The following MAP3K19 variants were observed in gnomAD, a reference collection of about 807,000 sequenced individuals.
The protein encoded by MAP3K19 is mitogen-activated protein kinase kinase kinase 19, also known as SPS1/STE20-related protein kinase YSK4.
In MAP3K19, 91 loss-of-function variants were observed where a neutral mutation model predicts 114.4. The ratio of observed to expected loss-of-function variants is 0.80; its 90% CI spans 0.67 to 0.95. MAP3K19 has a LOEUF of 0.95. Ranked by LOEUF, MAP3K19 falls within the 40% of genes least tolerant of loss-of-function variation. The probability of loss-of-function intolerance (pLI) is 0.00; values close to 1 mark genes in which losing one functional copy is unlikely to be tolerated. For missense variants in MAP3K19, 1,471 were observed against 1,573.2 expected (o/e 0.94, Z 1.10); for synonymous variants, 518 against 530.5 (o/e 0.98, Z 0.32).
intron 12 of MAP3K19, 185 bp downstream of exon 12, chr2:134,980,636 C>G: frequency 1.7e-6 from 1 of 604,812 alleles, no homozygotes; most frequent in Non-Finnish European, 2.9e-6. Context: ...CCTCCTATAC[C>G]CTGATACAAC....
At chr2:135,000,127 G>A in intron 6 of MAP3K19, 112 bp from the exon 7 acceptor site, 1 of 727,268 alleles carries the variant, frequency 1.4e-6, no homozygotes, top group South Asian at 1.6e-5. Context: ...TTACAAAATG[G>A]ACATTAATCA....
At chr2:134,966,737 A>G (rs947071925) in intron 12 of MAP3K19, among the ~76,000 whole-genome samples, 4 of 152,210 alleles carry the variant, frequency 2.6e-5, no homozygotes, top group Non-Finnish European at 5.9e-5. Flanking sequence ...TGTGGGCTCC[A>G]CAGACATCTC....
chr2:135,036,099 G>A (rs1688520374), intron 2 of MAP3K19, among the ~76,000 whole-genome samples: 1 of 152,152 alleles, frequency 6.6e-6, no homozygotes, highest in Non-Finnish European at 1.5e-5. Context: ...CTCCCAAAGT[G>A]CTGGGATTAC....
chr2:135,008,167 G>A (rs2105323962), intron 5 of MAP3K19, among the ~76,000 whole-genome samples: 1 of 151,400 alleles, frequency 6.6e-6, no homozygotes, highest in East Asian at 1.9e-4. Context: ...CTGTCGCCCA[G>A]GCTGGAGTGC....
intron 5 of MAP3K19, among the ~76,000 whole-genome samples, chr2:135,008,445 G>A (rs539403320): frequency 2.6e-5 from 4 of 152,070 alleles, no homozygotes; most frequent in East Asian, 3.9e-4. Context: ...AATAAGCCCC[G>A]TTAGTCTTAC....
intron 5 of MAP3K19, among the ~76,000 whole-genome samples, chr2:135,018,289 A>G (rs113526907): frequency 0.037 from 5,577 of 150,520 alleles, 313 homozygotes; most frequent in African/African-American, 0.13. Flanking sequence ...AGCAAAAAAA[A>G]AAAAAAAAAA....
intron 3 of MAP3K19, among the ~76,000 whole-genome samples, chr2:135,029,702 T>C (rs1193225752): frequency 2.0e-5 from 3 of 152,228 alleles, no homozygotes; most frequent in South Asian, 2.1e-4. Flanking sequence ...GACAGTCTCT[T>C]TGAAGGTAAA....
chr2:135,040,132 T>TA (rs1688618319), intron 2 of MAP3K19, among the ~76,000 whole-genome samples: 1 of 152,212 alleles, frequency 6.6e-6, no homozygotes, highest in Non-Finnish European at 1.5e-5. Context: ...AGATCCACCA[T>TA]AAAATCTAGT....
In MAP3K19 at chr2:134,998,851, T is replaced by A. The variant is rs770537814; in HGVS notation, c.461A>T (p.Asn154Ile). 1.2e-6 allele frequency: 2 copies of A among 1,614,234 alleles called. No homozygotes were observed. Among genetic ancestry groups the A allele is most frequent in the African/African-American group, 1.3e-5 (1 of 75,060 alleles). The change falls in exon 8 of 13, where the codon AAT (asparagine) becomes ATT (isoleucine). Residue 154 changes from asparagine to isoleucine, a missense_variant. Transcript: ENST00000392915. The stretch of plus-strand genomic sequence containing the variant: ...TGGTAGCAAAAAGCCCAAGTTCACA[T>A]TGCAGAGCTCCCTGGAACTTTCCTC... ...QKEESSRELC[N>I]VNLGFLLPRS...
intron 9 of MAP3K19, among the ~76,000 whole-genome samples, chr2:134,989,385 C>T (rs1341038353): frequency 6.6e-6 from 1 of 152,062 alleles, no homozygotes; most frequent in Non-Finnish European, 1.5e-5. Context: ...TCTATTGCCA[C>T]CTGTGTGTAA....
intron 12 of MAP3K19, among the ~76,000 whole-genome samples, chr2:134,974,982 T>C (rs568721719): frequency 3.5e-4 from 53 of 152,320 alleles, no homozygotes; most frequent in Admixed American, 2.7e-3. Context: ...CAGTGGTGTC[T>C]GTGATTTCCT....
chr2:134,993,264 C>T (rs1338758149), intron 8 of MAP3K19, among the ~76,000 whole-genome samples: 8 of 152,048 alleles, frequency 5.3e-5, no homozygotes. Flanking sequence ...AAGTTTCACA[C>T]GGAGAGAAAA....
At chr2:134,997,820 A>AAAAAAAAAAAAAACAAAAAAC (rs61650738) in intron 8 of MAP3K19, among the ~76,000 whole-genome samples, 4 of 148,418 alleles carry the variant, frequency 2.7e-5, no homozygotes, top group African/African-American at 1.0e-4. Flanking sequence ...TCCGTCTCAA[A>AAAAAAAAAAAAAACAAAAAAC]AAAAAAAAAA....
intron 2 of MAP3K19, among the ~76,000 whole-genome samples, chr2:135,034,571 C>G (rs1053528077): frequency 7.6e-6 from 1 of 131,870 alleles, no homozygotes; most frequent in African/African-American, 3.3e-5. Flanking sequence ...CTCGGGAGGC[C>G]GAGGCTGGCG....
intron 2 of MAP3K19, among the ~76,000 whole-genome samples, chr2:135,031,495 C>T (rs1553434317): frequency 6.6e-6 from 1 of 152,196 alleles, no homozygotes; most frequent in Non-Finnish European, 1.5e-5. Context: ...GAGAAATCAG[C>T]TGTGCCTCAG....
At chr2:135,026,420 C>T (rs1445183011) in intron 3 of MAP3K19, among the ~76,000 whole-genome samples, 1 of 152,110 alleles carries the variant, frequency 6.6e-6, no homozygotes, top group Non-Finnish European at 1.5e-5. Context: ...TTCAAAATTC[C>T]CTTTTCATTC....
intron 5 of MAP3K19, among the ~76,000 whole-genome samples, chr2:135,007,189 C>T (rs1686887578): frequency 6.6e-6 from 1 of 151,886 alleles, no homozygotes; most frequent in Non-Finnish European, 1.5e-5. Context: ...GAAGTAAAAC[C>T]CTCCATTTAT....
intron 1 of MAP3K19, among the ~76,000 whole-genome samples, chr2:135,042,833 G>A (rs915009841): frequency 1.3e-5 from 2 of 152,134 alleles, no homozygotes; most frequent in African/African-American, 4.8e-5. Flanking sequence ...TGTAATCCCA[G>A]CACTTTGGGA....
intron 5 of MAP3K19, among the ~76,000 whole-genome samples, chr2:135,006,414 T>G (rs1005130450): frequency 2.0e-5 from 3 of 152,222 alleles, no homozygotes; most frequent in African/African-American, 4.8e-5. Flanking sequence ...GTCAGAGAAG[T>G]GGCGAGTCAC....
Sources: allele counts gnomAD v4.1 joint callset (sites outside exome capture counted in the v4.1 genomes callset), GRCh38; gene constraint gnomAD v4.1.1; transcripts MANE v1.5; gene names NCBI Gene and HGNC (gene_info 2026-07-23, HGNC 2026-07-21).